The following TSPEAR variants were observed in gnomAD, a reference collection of about 807,000 sequenced individuals.
TSPEAR encodes the protein thrombospondin-type laminin G domain and EAR repeat-containing protein.
Under a neutral mutation model 71.6 loss-of-function variants are expected in TSPEAR, and 69 were observed. The ratio of observed to expected loss-of-function variants is 0.96; its 90% CI spans 0.79 to 1.18. The LOEUF (loss-of-function observed/expected upper bound fraction) is 1.18. Among genes scored for constraint, TSPEAR ranks in the 50% most tolerant of loss-of-function variants. The pLI, the probability that TSPEAR is intolerant of heterozygous loss-of-function variation, is 0.00. For synonymous variants in TSPEAR, 402 were observed against 387.2 expected, an observed-to-expected ratio of 1.04 and a Z score of -0.45; for missense variants, 971 against 894.9, an observed-to-expected ratio of 1.09 and a Z score of -1.09.
chr21:44,689,230 C>T (rs1986999100), intron 1 of TSPEAR, among the ~76,000 whole-genome samples: 2 of 152,168 alleles, frequency 1.3e-5, no homozygotes, highest in South Asian at 2.1e-4. Context: ...CGGCCGGGCA[C>T]GGTGGCTCAC....
intron 8 of TSPEAR, among the ~76,000 whole-genome samples, chr21:44,524,511 GCAGT>G (rs1212976781): frequency 1.3e-4 from 20 of 148,530 alleles, no homozygotes; most frequent in East Asian, 4.1e-4. Flanking sequence ...AGTCAGTCAG[GCAGT>G]CAGTCAGTCA....
At chr21:44,532,156 T>C (rs587762381) in intron 3 of TSPEAR, among the ~76,000 whole-genome samples, 1 of 152,322 alleles carries the variant, frequency 6.6e-6, no homozygotes, top group East Asian at 1.9e-4. Flanking sequence ...GTGGCCACAA[T>C]TGGTTCCAGG....
chr21:44,505,818 C>T (rs1484052878), intron 10 of TSPEAR, among the ~76,000 whole-genome samples: 1 of 152,046 alleles, frequency 6.6e-6, no homozygotes, highest in Non-Finnish European at 1.5e-5. Flanking sequence ...CTGACAGACA[C>T]TTGGGGAATT....
At chr21:44,631,585 G>T in intron 1 of TSPEAR, among the ~76,000 whole-genome samples, 1 of 152,092 alleles carries the variant, frequency 6.6e-6, no homozygotes, top group East Asian at 1.9e-4. Context: ...AAATAGCTGG[G>T]CGTGGTGGCT....
intron 2 of TSPEAR, among the ~76,000 whole-genome samples, chr21:44,561,398 G>C (rs1486719706): frequency 1.3e-5 from 2 of 152,156 alleles, no homozygotes; most frequent in African/African-American, 4.8e-5. Context: ...AATTCTACCA[G>C]AGGTACAAAG....
chr21:44,698,191 C>T (rs114530657), intron 1 of TSPEAR: 15,042 of 589,546 alleles, frequency 0.026, 274 homozygotes, highest in Middle Eastern at 0.063. Context: ...CCTGTGGTCT[C>T]GCCTCCTTGG....
At chr21:44,700,809 T>C (rs577915851) in intron 1 of TSPEAR, among the ~76,000 whole-genome samples, 8 of 152,336 alleles carry the variant, frequency 5.3e-5, no homozygotes, top group African/African-American at 1.4e-4. Flanking sequence ...TGGCTGACCT[T>C]CAGGAAGCCT....
intron 1 of TSPEAR, among the ~76,000 whole-genome samples, chr21:44,603,979 C>G (rs1338085867): frequency 6.6e-6 from 1 of 151,856 alleles, no homozygotes; most frequent in African/African-American, 2.4e-5. Flanking sequence ...ACTGCGGGCT[C>G]ACTGTCTCCC....
intron 2 of TSPEAR, among the ~76,000 whole-genome samples, chr21:44,541,996 C>A (rs775441805): frequency 3.6e-4 from 54 of 152,074 alleles, no homozygotes; most frequent in Non-Finnish European, 6.8e-4. Context: ...AGGAAAAAAA[C>A]AAACAAGAGA....
chr21:44,603,927 A>G (rs1182900551), intron 1 of TSPEAR, among the ~76,000 whole-genome samples: 1 of 152,218 alleles, frequency 6.6e-6, no homozygotes, highest in Non-Finnish European at 1.5e-5. Flanking sequence ...AGTTTCCACC[A>G]ATCCCATCCC....
intron 8 of TSPEAR, among the ~76,000 whole-genome samples, chr21:44,524,712 G>A (rs2052811841): frequency 6.6e-6 from 1 of 152,030 alleles, no homozygotes; most frequent in Non-Finnish European, 1.5e-5. Flanking sequence ...TAATCAGGTA[G>A]TTAGGTAATC....
At chr21:44,637,161 G>A (rs1282353196) in intron 1 of TSPEAR, among the ~76,000 whole-genome samples, 1 of 152,150 alleles carries the variant, frequency 6.6e-6, no homozygotes, top group African/African-American at 2.4e-5. Context: ...TCAGCCAGGG[G>A]CGCCGGTCCT....
chr21:44,560,300 T>C (rs2053613755), intron 2 of TSPEAR, among the ~76,000 whole-genome samples: 1 of 152,176 alleles, frequency 6.6e-6, no homozygotes, highest in Non-Finnish European at 1.5e-5. Context: ...TAAATATATA[T>C]GCACCAAATA....
At position 44,627,329 on chromosome 21, in the gene TSPEAR, T is replaced by TG; in HGVS notation, c.83-59325_83-59324insC. On this transcript the variant is annotated intron_variant, in intron 1 of 11. Transcript: ENST00000323084. ...CTGGTCTGCACCCCAGTGAGCCGTG[T>TG]ATCCAGCCCCTGCTGCCAGGTGACC... is the stretch of plus-strand genomic sequence containing the variant. 1.9e-6 allele frequency: 3 copies of TG among 1,613,160 alleles called. No individual in the cohort carries two copies. In the African/African-American group the frequency reaches 4.0e-5, roughly 21 times the overall value.
At chr21:44,538,099 C>T (rs1057112331) in intron 2 of TSPEAR, among the ~76,000 whole-genome samples, 2 of 152,180 alleles carry the variant, frequency 1.3e-5, no homozygotes, top group Admixed American at 6.5e-5. Context: ...AGGCTGCGGC[C>T]GGCCTGGCTG....
chr21:44,561,370 C>T (rs189452702), intron 2 of TSPEAR, among the ~76,000 whole-genome samples: 4 of 152,284 alleles, frequency 2.6e-5, no homozygotes, highest in Admixed American at 1.3e-4. Flanking sequence ...AGCCCGGGAC[C>T]AGATGGATTC....
At chr21:44,651,120 G>A (rs1306014769) in intron 1 of TSPEAR, among the ~76,000 whole-genome samples, 5 of 152,182 alleles carry the variant, frequency 3.3e-5, no homozygotes, top group Non-Finnish European at 7.4e-5. Flanking sequence ...GGCTGGGGGA[G>A]CCACAGGGAA....
chr21:44,555,939 A>G (rs1302120635), intron 2 of TSPEAR, among the ~76,000 whole-genome samples: 1 of 152,248 alleles, frequency 6.6e-6, no homozygotes, highest in African/African-American at 2.4e-5. Context: ...TTGCACAGAC[A>G]TGCCATCGAA....
At chr21:44,550,112 G>C (rs2053379713) in intron 2 of TSPEAR, among the ~76,000 whole-genome samples, 1 of 152,270 alleles carries the variant, frequency 6.6e-6, no homozygotes, top group South Asian at 2.1e-4. Flanking sequence ...GTTGGCCTGA[G>C]TCATGTGGTG....
Sources: allele counts gnomAD v4.1 joint callset (sites outside exome capture counted in the v4.1 genomes callset), GRCh38; gene constraint gnomAD v4.1.1; transcripts MANE v1.5; gene names NCBI Gene and HGNC (gene_info 2026-07-23, HGNC 2026-07-21).